MAZ: variants seen among roughly 807,000 people sequenced by gnomAD.
MAZ encodes the protein MYC associated zinc finger protein.
In MAZ, 4 loss-of-function variants were observed where a neutral mutation model predicts 32.7. The ratio of observed to expected loss-of-function variants is 0.12; its 90% CI spans 0.06 to 0.28. The LOEUF is 0.28. Ranked by LOEUF, MAZ falls within the 10% of genes least tolerant of loss-of-function variation. MAZ has a pLI of 1.00. For missense variants in MAZ, 763 were observed against 667.2 expected, an observed-to-expected ratio of 1.14 and a Z score of -1.58; for synonymous variants, 510 against 297.6, an observed-to-expected ratio of 1.71 and a Z score of -7.35.
At chr16:29,809,980 C>T (rs1899823096) in intron 4 of MAZ, 97 bp from the exon 5 acceptor site, 3 of 1,529,826 alleles carry the variant, frequency 2.0e-6, no homozygotes, top group Non-Finnish European at 2.6e-6. Flanking sequence ...TGAGCAACGG[C>T]TGTGTCCCAG....
intron 3 of MAZ, 68 bp downstream of exon 3, chr16:29,808,361 GTC>G: frequency 1.4e-6 from 2 of 1,458,718 alleles, no homozygotes; most frequent in Admixed American, 1.7e-5. Flanking sequence ...GTCTGAGTCA[GTC>G]TCTCAGACCC....
rs371217789 is a variant in MAZ at position 29,807,513 on chromosome 16, G to T, written c.728G>T (p.Gly243Val). The change falls in exon 2 of 5, where the codon GGA becomes GTA. Residue 243 changes from glycine to valine, a missense_variant. Coordinates refer to ENST00000322945, the MANE Select transcript of MAZ (RefSeq NM_002383.4). ...LSLLSVPQLS[G>V]AGGGGGEAGA... Reference sequence around the variant, plus strand: ...CTCCTGAGCGTGCCCCAGCTGAGCGGAGCCGGCGGGGGAGGGGGAGAGGCG... The same window carrying T: ...CTCCTGAGCGTGCCCCAGCTGAGCGTAGCCGGCGGGGGAGGGGGAGAGGCG... 3.1e-6 allele frequency: 5 copies of T among 1,610,300 alleles called. No individual in the cohort carries two copies. In the African/African-American group the frequency reaches 6.7e-5, roughly 22 times the overall value.
At chr16:29,808,422 T>G in intron 3 of MAZ, 129 bp downstream of exon 3, 1 of 1,044,212 alleles carries the variant, frequency 9.6e-7, no homozygotes, top group Non-Finnish European at 1.5e-6. Flanking sequence ...TTCTCATCCC[T>G]TCTTCAAGGC....
chr16:29,807,373 C>G lies in MAZ; in HGVS notation c.588C>G (p.Ala196=). The G allele has an allele frequency of 6.2e-7, 1 of 1,612,376 alleles. No homozygotes were observed. Among genetic ancestry groups the G allele is most frequent in the South Asian group, 1.1e-5 (1 of 91,078 alleles). Residue 196 remains alanine (A), a synonymous_variant, in exon 2 of 5, where the codon GCC becomes GCG. Coordinates refer to ENST00000322945, the MANE Select transcript of MAZ (RefSeq NM_002383.4). ...SKGPYICALC[A]KEFKNGYNLR... is the part of the protein sequence containing the mutation. ...GGCCCTACATCTGCGCTCTGTGCGC[C>G]AAGGAGTTCAAGAACGGCTACAATC...
Position 29,810,537 on chromosome 16 carries a change from G to C in MAZ, c.*306G>C, listed in dbSNP as rs1211840920. ...ACTGCCCGTACCCCCTCTCCTCTCT[G>C]TAAGCCCATGCCCTGTCTTCCCAGG... On this transcript the variant is annotated 3_prime_UTR_variant, in exon 5 of 5. Coordinates refer to ENST00000322945, the MANE Select transcript of MAZ (RefSeq NM_002383.4). 3 of 700,810 alleles carry C rather than the reference G, an allele frequency of 4.3e-6. No homozygotes were observed. The highest frequency in any genetic ancestry group is 2.7e-5 in the East Asian group (1 of 37,178). 43.4% of individuals were successfully genotyped at this position (700,810 alleles called of 1,614,324 possible).
Position 29,810,333 on chromosome 16 carries a change from C to T in MAZ, c.*102C>T. On this transcript the variant is annotated 3_prime_UTR_variant, in exon 5 of 5. Transcript: ENST00000322945. ...CCACCAACTCCTATTTCCCTACCAACCAAGGAGCCTCCAGAAGGAAAGGAG... is the reference window on the plus strand; with the variant it reads ...CCACCAACTCCTATTTCCCTACCAATCAAGGAGCCTCCAGAAGGAAAGGAG... The T allele has an allele frequency of 8.4e-7, 1 of 1,184,472 alleles. No homozygotes were observed. Among genetic ancestry groups the T allele is most frequent in the Non-Finnish European group, 1.2e-6 (1 of 819,892 alleles). 73.4% of individuals were successfully genotyped at this position (1,184,472 alleles called of 1,614,324 possible). A position where few individuals can be genotyped will look rare whatever the true frequency, so the allele number is the denominator to read the frequency against.
At chr16:29,808,503 C>A (rs776723695) in intron 3 of MAZ, 67 bp from the exon 4 acceptor site, 12 of 1,027,360 alleles carry the variant, frequency 1.2e-5, no homozygotes, top group Non-Finnish European at 1.7e-5. Flanking sequence ...TCTCTTGCTC[C>A]CCCCTCCCCA....
chr16:29,809,949 C>G (rs182392729), intron 4 of MAZ, 128 bp from the exon 5 acceptor site: 32 of 1,459,446 alleles, frequency 2.2e-5, no homozygotes, highest in Non-Finnish European at 3.0e-5. Flanking sequence ...AGGCTGAGGC[C>G]TCTGGGGTCC....
chr16:29,808,766 G>T (rs757312337), intron 4 of MAZ, 25 bp downstream of exon 4: 1 of 1,610,050 alleles, frequency 6.2e-7, no homozygotes, highest in Non-Finnish European at 8.5e-7. Flanking sequence ...CTGCCGGGAG[G>T]GCCAGGGGCA....
In MAZ at chr16:29,807,231, C is replaced by T. The variant is rs1163057363; in HGVS notation, c.446C>T (p.Pro149Leu). 1.5e-6 allele frequency: 2 copies of T among 1,359,514 alleles called. No homozygotes were observed. The highest frequency in any genetic ancestry group is 1.9e-6 in the Non-Finnish European group (2 of 1,052,292). 84.2% of individuals were successfully genotyped at this position (1,359,514 alleles called of 1,614,324 possible). A position where few individuals can be genotyped will look rare whatever the true frequency, so the allele number is the denominator to read the frequency against. Residue 149 changes from proline (P) to leucine (L), a missense_variant, in exon 2 of 5, where the codon CCC becomes CTC. Transcript: ENST00000322945. ...TCGGCGCCCGCGGCCGAGGCCGCGC[C>T]CCCCGCCTCCGCCGCCACTATCGCC... ...PVSAPAAEAA[P>L]PASAATIAAA...
At chr16:29,808,408 C>T (rs1038360109) in intron 3 of MAZ, 115 bp downstream of exon 3, 27 of 1,130,540 alleles carry the variant, frequency 2.4e-5, no homozygotes, top group African/African-American at 1.1e-4. Flanking sequence ...CTTTTTGCTC[C>T]ATTTTCTCAT....
chr16:29,806,740 C>A lies in MAZ; in HGVS notation c.39C>A (p.Pro13=), dbSNP rs748756942. The change falls in exon 1 of 5, where the codon CCC becomes CCA. Residue 13 remains proline, a synonymous_variant. Coordinates refer to ENST00000322945, the MANE Select transcript of MAZ (RefSeq NM_002383.4). The stretch of plus-strand genomic sequence containing the variant: ...TTCCTTGCACGCTGCTGGCCCCCCC[C>A]TTCCCCGTGCTGGGCCTGGACTCCC... ...PVFPCTLLAP[P]FPVLGLDSRG... 5.7e-6 allele frequency: 8 copies of A among 1,395,544 alleles called. No individual in the cohort carries two copies. The highest frequency in any genetic ancestry group is 1.5e-5 in the African/African-American group (1 of 64,748). The allele number at this position is 1,395,544 out of a possible 1,614,324, so 86.4% of individuals were successfully genotyped here. A position where few individuals can be genotyped will look rare whatever the true frequency, so the allele number is the denominator to read the frequency against.
chr16:29,810,299 CCT>C lies in MAZ; in HGVS notation c.*71_*72del, dbSNP rs1567374215. The C allele has an allele frequency of 3.4e-6, 5 of 1,451,810 alleles. No individual in the cohort carries two copies. Among genetic ancestry groups the C allele is most frequent in the South Asian group, 2.4e-5 (2 of 82,304 alleles). The allele number at this position is 1,451,810 out of a possible 1,614,324, so 89.9% of individuals were successfully genotyped here. A position where few individuals can be genotyped will look rare whatever the true frequency, so the allele number is the denominator to read the frequency against. ...TCCCTTGGTACAAGCTCCTCTCCCC[CCT>C]CTTTTCCCACCAACTCCTATTTCCC... On this transcript the variant is annotated 3_prime_UTR_variant, in exon 5 of 5. Transcript: ENST00000322945.
intron 4 of MAZ, 126 bp from the exon 5 acceptor site, chr16:29,809,951 C>T (rs988575316): frequency 4.8e-6 from 7 of 1,469,540 alleles, no homozygotes; most frequent in Middle Eastern, 2.5e-4. Context: ...GCTGAGGCCT[C>T]TGGGGTCCAG....
At chr16:29,809,505 T>C in intron 4 of MAZ, 1 of 1,367,254 alleles carries the variant, frequency 7.3e-7, no homozygotes, top group African/African-American at 1.4e-5. Flanking sequence ...TCCGCCTGGC[T>C]GACCCCCGCC....
chr16:29,806,905 C>G lies in MAZ; in HGVS notation c.192+12C>G, dbSNP rs746646924. Reference sequence around the variant, plus strand: ...AGAGTCCATTCCAGGTGAGTAGGGCCGGCCGCGGCGGCCCGGGCTGGGGGG... The same window carrying G: ...AGAGTCCATTCCAGGTGAGTAGGGCGGGCCGCGGCGGCCCGGGCTGGGGGG... On this transcript the variant is annotated intron_variant, in intron 1 of 4. Transcript: ENST00000322945. 1.6e-6 allele frequency: 2 copies of G among 1,277,746 alleles called. No individual in the cohort carries two copies. Among genetic ancestry groups the G allele is most frequent in the South Asian group, 3.4e-5 (2 of 58,392 alleles). 79.2% of individuals were successfully genotyped at this position (1,277,746 alleles called of 1,614,324 possible).
upstream of MAZ, chr16:29,806,140 C>A: frequency 1.5e-6 from 2 of 1,301,154 alleles, no homozygotes; most frequent in Non-Finnish European, 2.0e-6. Flanking sequence ...CTCCCTCCCT[C>A]CGCCATGGAT....
At position 29,807,769 on chromosome 16, in the gene MAZ, A is replaced by C; in HGVS notation, c.984A>C (p.Ser328=). 1 of 1,612,364 alleles carries C rather than the reference A, an allele frequency of 6.2e-7. No homozygotes were observed. Among genetic ancestry groups the C allele is most frequent in the Non-Finnish European group, 8.5e-7 (1 of 1,179,948 alleles). Residue 328 remains serine (S), a synonymous_variant, in exon 2 of 5, where the codon TCA becomes TCC. Coordinates refer to ENST00000322945, the MANE Select transcript of MAZ (RefSeq NM_002383.4). Reference sequence around the variant, plus strand: ...ACCGCATGAGCTACCACGTGCGCTCACATGACGGCGCTGTGCACAAGCCCT... The same window carrying C: ...ACCGCATGAGCTACCACGTGCGCTCCCATGACGGCGCTGTGCACAAGCCCT... ...RKDRMSYHVR[S]HDGAVHKPYN...
chr16:29,809,716 G>GC (rs1555501424), intron 4 of MAZ: 3 of 1,470,402 alleles, frequency 2.0e-6, no homozygotes, highest in Admixed American at 2.4e-5. Context: ...CCCGGGAGAC[G>GC]CCCCCCAGCC....
Sources: allele counts gnomAD v4.1 joint callset, GRCh38; gene constraint gnomAD v4.1.1; transcripts MANE v1.5; gene names NCBI Gene and HGNC (gene_info 2026-07-23, HGNC 2026-07-21).